The following GSK3B variants were observed in gnomAD, a reference collection of about 807,000 sequenced individuals.
GSK3B encodes glycogen synthase kinase 3 beta, also known as glycogen synthase kinase-3 beta.
GSK3B carries 15 observed loss-of-function variants against 56.4 expected under a neutral mutation model. The ratio of observed to expected loss-of-function variants is 0.27; its 90% confidence interval spans 0.18 to 0.41. The LOEUF (loss-of-function observed/expected upper bound fraction) is 0.41, where lower values mean the gene tolerates loss of function less well. GSK3B is among the 10% of genes least tolerant of loss of function. The probability of loss-of-function intolerance (pLI) is 1.00; values close to 1 mark genes in which losing one functional copy is unlikely to be tolerated. For synonymous variants in GSK3B, 181 were observed against 188.9 expected, an observed-to-expected ratio of 0.96 and a Z score of 0.34; for missense variants, 300 against 513.4, an observed-to-expected ratio of 0.58 and a Z score of 4.02.
intron 1 of GSK3B, among the ~76,000 whole-genome samples, chr3:120,019,838 T>C (rs747129814): frequency 1.1e-4 from 16 of 152,368 alleles, no homozygotes; most frequent in Non-Finnish European, 1.9e-4. Flanking sequence ...GTTCTGGTGT[T>C]AACTACTATT....
intron 7 of GSK3B, among the ~76,000 whole-genome samples, chr3:119,881,905 G>A (rs1222036776): frequency 6.6e-6 from 1 of 152,140 alleles, no homozygotes; most frequent in Non-Finnish European, 1.5e-5. Context: ...GAGTTTCCCT[G>A]CACAAGACAA....
intron 1 of GSK3B, among the ~76,000 whole-genome samples, chr3:120,090,848 T>C (rs2058506443): frequency 6.6e-6 from 1 of 152,170 alleles, no homozygotes; most frequent in South Asian, 2.1e-4. Context: ...CAGCTAACTT[T>C]CTCTTATTTC....
chr3:119,826,932 T>A, intron 10 of GSK3B, 77 bp from the exon 11 acceptor site: 2 of 888,886 alleles, frequency 2.3e-6, no homozygotes, highest in Admixed American at 1.9e-5. Flanking sequence ...CTGTTTCAAC[T>A]GCAGGCTGTG....
At chr3:120,054,003 T>C (rs890063865) in intron 1 of GSK3B, among the ~76,000 whole-genome samples, 5 of 152,234 alleles carry the variant, frequency 3.3e-5, no homozygotes, top group Non-Finnish European at 5.9e-5. Context: ...TGTTGTATTT[T>C]AGAACAGGGC....
chr3:119,962,261 G>A (rs1479465928), intron 2 of GSK3B, among the ~76,000 whole-genome samples: 3 of 151,888 alleles, frequency 2.0e-5, no homozygotes. Flanking sequence ...TGTAATCCCA[G>A]CTACTCAGGA....
chr3:119,937,342 T>A (rs2107481248), intron 3 of GSK3B, among the ~76,000 whole-genome samples: 1 of 152,174 alleles, frequency 6.6e-6, no homozygotes, highest in Non-Finnish European at 1.5e-5. Context: ...TCCCTCCCAC[T>A]ACAACTGGTT....
At chr3:119,865,456 ATATATATATATTTTTTTTT>A (rs1374932443) in intron 8 of GSK3B, among the ~76,000 whole-genome samples, 1 of 20,736 alleles carries the variant, frequency 4.8e-5, no homozygotes, top group Non-Finnish European at 1.3e-4. Context: ...ATATATATAT[ATATATATATATTTTTTTTT>A]TTTTTTTTTT....
chr3:119,855,198 C>G lies in GSK3B; in HGVS notation c.1096+8221G>C, dbSNP rs113310548. Reference sequence around the variant, plus strand: ...ATGTATCCAGTAGTCATAAGGAAGACATTTATGCAGCCAACAGACACATGA... The same window carrying G: ...ATGTATCCAGTAGTCATAAGGAAGAGATTTATGCAGCCAACAGACACATGA... On this transcript the variant is annotated intron_variant, in intron 9 of 10. Transcript: ENST00000264235. 6.3e-3 allele frequency among the ~76,000 whole-genome samples: 963 copies of G among 152,018 alleles called. 12 individuals carry two copies. The highest frequency in any genetic ancestry group is 0.02 in the African/African-American group (825 of 41,494).
At chr3:120,048,408 T>C (rs1576295317) in intron 1 of GSK3B, among the ~76,000 whole-genome samples, 1 of 152,216 alleles carries the variant, frequency 6.6e-6, no homozygotes, top group Non-Finnish European at 1.5e-5. Flanking sequence ...AAGTCTAGCA[T>C]AGTCACTAAG....
intron 2 of GSK3B, among the ~76,000 whole-genome samples, chr3:119,967,555 G>A (rs756742023): frequency 6.6e-6 from 1 of 152,112 alleles, no homozygotes; most frequent in Non-Finnish European, 1.5e-5. Flanking sequence ...AAGGACATAT[G>A]TTATCAATCA....
At chr3:120,014,193 A>G (rs2057804760) in intron 1 of GSK3B, among the ~76,000 whole-genome samples, 1 of 151,410 alleles carries the variant, frequency 6.6e-6, no homozygotes, top group Non-Finnish European at 1.5e-5. Context: ...ATGTTGGGCT[A>G]GACACAGTGG....
intron 7 of GSK3B, among the ~76,000 whole-genome samples, chr3:119,893,474 C>T (rs2056527369): frequency 6.6e-6 from 1 of 152,036 alleles, no homozygotes; most frequent in Non-Finnish European, 1.5e-5. Context: ...TTCCAAAAGG[C>T]AAAGAGCAAA....
At chr3:119,866,559 A>T in intron 8 of GSK3B, 6 of 1,506,786 alleles carry the variant, frequency 4.0e-6, no homozygotes, top group Non-Finnish European at 5.5e-6. Context: ...ACCTGCCCTG[A>T]AATTTTGGGA....
At chr3:119,847,068 G>T (rs751951458) in intron 9 of GSK3B, among the ~76,000 whole-genome samples, 6 of 151,942 alleles carry the variant, frequency 3.9e-5, no homozygotes, top group Non-Finnish European at 7.4e-5. Context: ...GTTCTCACTC[G>T]TAAGTGGGAG....
At chr3:119,941,274 C>G (rs1456743593) in intron 3 of GSK3B, among the ~76,000 whole-genome samples, 1 of 152,110 alleles carries the variant, frequency 6.6e-6, no homozygotes, top group Non-Finnish European at 1.5e-5. Flanking sequence ...GCCTCGGCCT[C>G]TCAAAAGTGC....
chr3:119,843,424 G>C (rs2055807902), intron 9 of GSK3B, 71 bp from the exon 10 acceptor site: 2 of 821,732 alleles, frequency 2.4e-6, no homozygotes, highest in Non-Finnish European at 4.0e-6. Flanking sequence ...TTATTGGTAA[G>C]AGTGAAAATA....
intron 2 of GSK3B, among the ~76,000 whole-genome samples, chr3:119,982,495 A>C (rs2057473039): frequency 6.6e-6 from 1 of 152,220 alleles, no homozygotes; most frequent in South Asian, 2.1e-4. Flanking sequence ...GCTAACTAGA[A>C]TAAACAGTGT....
intron 3 of GSK3B, among the ~76,000 whole-genome samples, chr3:119,933,621 A>T (rs1338447387): frequency 1.3e-5 from 2 of 152,244 alleles, no homozygotes; most frequent in African/African-American, 4.8e-5. Flanking sequence ...TCACGCCTGT[A>T]ATCCCAGCAC....
At chr3:119,921,029 C>CT (rs991683361) in intron 4 of GSK3B, among the ~76,000 whole-genome samples, 3 of 152,132 alleles carry the variant, frequency 2.0e-5, no homozygotes, top group Non-Finnish European at 2.9e-5. Flanking sequence ...AAGGTTGATT[C>CT]TAAGTCTGAG....
Sources: gnomAD v4.1 joint callset for allele counts (sites outside exome capture counted in the v4.1 genomes callset) on GRCh38, gnomAD v4.1.1 for gene constraint, MANE v1.5 for transcripts, NCBI Gene and HGNC (gene_info 2026-07-23, HGNC 2026-07-21) for gene names.